SLC30A8: variants seen among roughly 807,000 people sequenced by gnomAD.
The protein encoded by SLC30A8 is solute carrier family 30 member 8.
Under a neutral mutation model 36.9 loss-of-function variants are expected in SLC30A8, and 27 were observed. That is an observed-to-expected ratio of 0.73 (90% confidence interval 0.54 to 1.01). The LOEUF is 1.01. Ranked by LOEUF, SLC30A8 falls within the 50% of genes least tolerant of loss-of-function variation. The pLI is 0.00. For missense variants in SLC30A8, 439 were observed against 452.0 expected (o/e 0.97, Z 0.26); for synonymous variants, 164 against 172.4 (o/e 0.95, Z 0.38).
At chr8:117,104,479 A>G (rs777635594) in intron 2 of SLC30A8, among the ~76,000 whole-genome samples, 5 of 152,116 alleles carry the variant, frequency 3.3e-5, no homozygotes, top group Admixed American at 6.6e-5. Context: ...AGCATCTTCA[A>G]TGTTCATATT....
At chr8:116,958,065 T>A (rs889022672) in intron 1 of SLC30A8, among the ~76,000 whole-genome samples, 2 of 152,216 alleles carry the variant, frequency 1.3e-5, no homozygotes, top group South Asian at 2.1e-4. Flanking sequence ...ATGATTCTAA[T>A]GTGCCTTTGT....
chr8:117,027,241 G>C (rs1202289064), intron 1 of SLC30A8, among the ~76,000 whole-genome samples: 1 of 152,118 alleles, frequency 6.6e-6, no homozygotes, highest in Non-Finnish European at 1.5e-5. Context: ...TGGCCTCAAG[G>C]CTGCATCTAC....
chr8:116,985,293 TACACACACACACACACACAC>T (rs71305454), intron 1 of SLC30A8, among the ~76,000 whole-genome samples: 5 of 140,236 alleles, frequency 3.6e-5, no homozygotes, highest in African/African-American at 1.3e-4. Context: ...CTCACACACA[TACACACACACACACACACAC>T]ACACACACAC....
intron 6 of SLC30A8, 111 bp downstream of exon 6, chr8:117,163,641 T>C (rs2129687148): frequency 1.2e-6 from 1 of 813,746 alleles, no homozygotes; most frequent in East Asian, 2.7e-5. Flanking sequence ...ATGGGAAAAA[T>C]TTAAAGTGAA....
At chr8:117,055,124 G>A (rs1817831157) in intron 2 of SLC30A8, among the ~76,000 whole-genome samples, 1 of 152,198 alleles carries the variant, frequency 6.6e-6, no homozygotes, top group South Asian at 2.1e-4. Context: ...ATCAGAGCTT[G>A]AAAGTGCGGG....
chr8:117,036,950 C>T (rs763727680), intron 1 of SLC30A8, among the ~76,000 whole-genome samples: 1 of 152,176 alleles, frequency 6.6e-6, no homozygotes, highest in Non-Finnish European at 1.5e-5. Flanking sequence ...GGAACCATGT[C>T]TGTCTTAGCC....
intron 1 of SLC30A8, among the ~76,000 whole-genome samples, chr8:116,960,130 CT>C (rs1308173801): frequency 6.6e-6 from 1 of 152,186 alleles, no homozygotes; most frequent in East Asian, 1.9e-4. Context: ...GTGTTCAAAA[CT>C]TTTATTTCAT....
Position 117,172,667 on chromosome 8 carries a change from G to A in SLC30A8, c.1096G>A (p.Asp366Asn). Residue 366 changes from aspartate (D) to asparagine (N), a missense_variant, in exon 8 of 8, where the codon GAC (aspartate) becomes AAC (asparagine). Asp to Asn is a conservative substitution (Grantham distance 23, BLOSUM62 1). Transcript: ENST00000456015. ...DQDPDCLFCE[D>N]PCD is the part of the protein sequence containing the mutation. ...GGACCCCGACTGCCTTTTCTGTGAAGACCCCTGTGACTAGCTCAGTCACAC... is the reference window on the plus strand; with the variant it reads ...GGACCCCGACTGCCTTTTCTGTGAAAACCCCTGTGACTAGCTCAGTCACAC... 1 of 1,613,636 alleles carries A rather than the reference G, an allele frequency of 6.2e-7. No individual in the cohort carries two copies. The highest frequency in any genetic ancestry group is 2.2e-5 in the East Asian group (1 of 44,854).
At chr8:117,023,006 C>T (rs2130726493) in intron 1 of SLC30A8, among the ~76,000 whole-genome samples, 1 of 152,206 alleles carries the variant, frequency 6.6e-6, no homozygotes, top group African/African-American at 2.4e-5. Context: ...CCAGAATCTA[C>T]AATGAACTCC....
chr8:117,101,884 G>A (rs1476505192), intron 2 of SLC30A8, among the ~76,000 whole-genome samples: 2 of 152,098 alleles, frequency 1.3e-5, no homozygotes, highest in East Asian at 3.9e-4. Flanking sequence ...CCTATTGCGG[G>A]ACCTCACCTT....
chr8:117,137,512 A>G (rs1821418061), intron 1 of SLC30A8, among the ~76,000 whole-genome samples: 1 of 152,020 alleles, frequency 6.6e-6, no homozygotes, highest in Non-Finnish European at 1.5e-5. Flanking sequence ...TCTCTGGGTC[A>G]GGATTTGGGC....
At chr8:117,018,600 C>T (rs183244306) in intron 1 of SLC30A8, among the ~76,000 whole-genome samples, 6 of 150,420 alleles carry the variant, frequency 4.0e-5, no homozygotes, top group East Asian at 2.0e-4. Flanking sequence ...AGCACTGTTG[C>T]GTTTGATAGT....
At chr8:116,980,739 C>T (rs999590950) in intron 1 of SLC30A8, among the ~76,000 whole-genome samples, 3 of 152,184 alleles carry the variant, frequency 2.0e-5, no homozygotes, top group South Asian at 4.1e-4. Context: ...AAAACACACC[C>T]CCATCGAAAG....
intron 1 of SLC30A8, among the ~76,000 whole-genome samples, chr8:116,960,791 CTG>C (rs1240585097): frequency 1.3e-5 from 2 of 152,162 alleles, no homozygotes; most frequent in Admixed American, 1.3e-4. Context: ...ATCTGAGAAA[CTG>C]TGGGAAATGC....
intron 2 of SLC30A8, among the ~76,000 whole-genome samples, chr8:117,049,264 A>G (rs1586442034): frequency 6.6e-6 from 1 of 152,174 alleles, no homozygotes; most frequent in East Asian, 1.9e-4. Context: ...GTCACTACAT[A>G]ATGTTGCCCA....
chr8:117,011,164 A>G (rs1358855067), intron 1 of SLC30A8, among the ~76,000 whole-genome samples: 1 of 152,218 alleles, frequency 6.6e-6, no homozygotes, highest in Non-Finnish European at 1.5e-5. Flanking sequence ...AGGAGCAAGA[A>G]AGAGAAGGGC....
chr8:116,977,502 C>CT (rs1275863300), intron 1 of SLC30A8, among the ~76,000 whole-genome samples: 1 of 139,236 alleles, frequency 7.2e-6, no homozygotes, highest in Non-Finnish European at 1.5e-5. Context: ...ACTGTTACTA[C>CT]TTTACCACTT....
At position 117,172,585 on chromosome 8, in the gene SLC30A8, T is replaced by G; in HGVS notation, c.1014T>G (p.Leu338=). ...QVVRREIAKA[L]SKSFTMHSLT... ...TTCGGAGAGAAATTGCTAAAGCCCT[T>G]AGCAAAAGCTTTACGATGCACTCAC... The change falls in exon 8 of 8, where the codon CTT becomes CTG. Residue 338 remains leucine, a synonymous_variant. Coordinates refer to ENST00000456015, the MANE Select transcript of SLC30A8 (RefSeq NM_173851.3). 2.5e-6 allele frequency: 4 copies of G among 1,613,716 alleles called. No individual in the cohort carries two copies. Among genetic ancestry groups the G allele is most frequent in the Non-Finnish European group, 3.4e-6 (4 of 1,179,720 alleles).
chr8:117,144,918 G>A (rs570900462), intron 1 of SLC30A8, among the ~76,000 whole-genome samples: 2 of 152,270 alleles, frequency 1.3e-5, no homozygotes, highest in African/African-American at 4.8e-5. Context: ...CCTGGCTATA[G>A]TGGTTGTTTC....
Sources: gnomAD v4.1 joint callset for allele counts (sites outside exome capture counted in the v4.1 genomes callset) on GRCh38, gnomAD v4.1.1 for gene constraint, MANE v1.5 for transcripts, NCBI Gene and HGNC (gene_info 2026-07-23, HGNC 2026-07-21) for gene names.